KCNQ3: variants seen among roughly 807,000 people sequenced by gnomAD.
KCNQ3 encodes potassium voltage-gated channel subfamily Q member 3, also known as potassium voltage-gated channel subfamily KQT member 3.
A neutral mutation model predicts 92.5 loss-of-function variants in KCNQ3; 30 were observed. The observed-to-expected ratio is 0.32, with a 90% confidence interval of 0.24 to 0.44. The LOEUF (loss-of-function observed/expected upper bound fraction) is 0.44. Among genes scored for constraint, KCNQ3 ranks in the 20% least tolerant of loss-of-function variants. The pLI is 1.00. For synonymous variants in KCNQ3, 450 were observed against 468.8 expected (o/e 0.96, Z 0.52); for missense variants, 913 against 1,140.3 (o/e 0.80, Z 2.87).
chr8:132,279,711 T>C (rs1428657619), intron 1 of KCNQ3, among the ~76,000 whole-genome samples: 2 of 152,238 alleles, frequency 1.3e-5, no homozygotes, highest in Admixed American at 6.5e-5. Flanking sequence ...TGTCTACATA[T>C]ATGCACACAT....
chr8:132,345,105 C>A (rs1361879124), intron 1 of KCNQ3, among the ~76,000 whole-genome samples: 2 of 152,122 alleles, frequency 1.3e-5, no homozygotes, highest in Non-Finnish European at 2.9e-5. Context: ...TGAATCCTTG[C>A]TCCTCTGGGG....
chr8:132,236,882 A>G (rs1197672803), intron 1 of KCNQ3, among the ~76,000 whole-genome samples: 2 of 152,258 alleles, frequency 1.3e-5, no homozygotes, highest in African/African-American at 2.4e-5. Context: ...GTCAGGGCAC[A>G]TGGGTGGCCT....
intron 9 of KCNQ3, among the ~76,000 whole-genome samples, chr8:132,160,190 G>T (rs1223657026): frequency 1.3e-5 from 2 of 152,170 alleles, no homozygotes; most frequent in Admixed American, 6.5e-5. Flanking sequence ...CTGGCTGAGG[G>T]AAGACAAGAG....
intron 7 of KCNQ3, among the ~76,000 whole-genome samples, 154 bp downstream of exon 7, chr8:132,172,425 CACACACACACAGACACACA>C (rs1270827495): frequency 6.6e-6 from 1 of 151,830 alleles, no homozygotes; most frequent in Admixed American, 6.6e-5. Flanking sequence ...CACACACACA[CACACACACACAGACACACA>C]AGACACACAG....
intron 9 of KCNQ3, among the ~76,000 whole-genome samples, chr8:132,160,652 A>C (rs1353612332): frequency 6.7e-6 from 1 of 149,362 alleles, no homozygotes; most frequent in Non-Finnish European, 1.5e-5. Context: ...AAAGAACTCA[A>C]GCCCATAGTC....
intron 9 of KCNQ3, among the ~76,000 whole-genome samples, chr8:132,146,437 G>T (rs377178533): frequency 1.1e-4 from 16 of 152,322 alleles, no homozygotes; most frequent in African/African-American, 3.8e-4. Context: ...GTGTGGTCAA[G>T]CTCATACAAA....
intron 1 of KCNQ3, among the ~76,000 whole-genome samples, chr8:132,436,923 C>T (rs958811680): frequency 6.6e-6 from 1 of 152,098 alleles, no homozygotes; most frequent in Non-Finnish European, 1.5e-5. Context: ...GGCCTGCTGT[C>T]ATTTTCAGGA....
At chr8:132,134,807 A>G (rs1263420001) in intron 12 of KCNQ3, among the ~76,000 whole-genome samples, 1 of 151,688 alleles carries the variant, frequency 6.6e-6, no homozygotes, top group Admixed American at 6.6e-5. Flanking sequence ...CTTTTCTTCC[A>G]ATTCTTCTAT....
chr8:132,249,634 C>T (rs920864446), intron 1 of KCNQ3, among the ~76,000 whole-genome samples: 2 of 152,216 alleles, frequency 1.3e-5, no homozygotes, highest in South Asian at 2.1e-4. Context: ...CTGAGCTGCC[C>T]GCCAGTCCCA....
At chr8:132,454,376 T>A (rs1250191024) in intron 1 of KCNQ3, among the ~76,000 whole-genome samples, 1 of 152,194 alleles carries the variant, frequency 6.6e-6, no homozygotes, top group African/African-American at 2.4e-5. Flanking sequence ...GCCCGGAGTG[T>A]TATATTAATA....
Position 132,264,379 on chromosome 8 carries a change from C to T in KCNQ3, c.387-78198G>A, listed in dbSNP as rs987229964. Reference sequence around the variant, plus strand: ...AGCCCCCAGCTATCAGGAGGGGCCACGTATTGGGGTCATCTCCCCAAACCC... The same window carrying T: ...AGCCCCCAGCTATCAGGAGGGGCCATGTATTGGGGTCATCTCCCCAAACCC... On this transcript the variant is annotated intron_variant, in intron 1 of 14. Transcript: ENST00000388996. Among the ~76,000 whole-genome samples, 4 of 152,150 alleles carry T rather than the reference C, an allele frequency of 2.6e-5. No homozygotes were observed. In the South Asian group the frequency reaches 6.2e-4, roughly 24 times the overall value.
chr8:132,331,914 T>C (rs1239692422), intron 1 of KCNQ3, among the ~76,000 whole-genome samples: 1 of 152,130 alleles, frequency 6.6e-6, no homozygotes, highest in African/African-American at 2.4e-5. Context: ...GGCATGCCAG[T>C]CAGAAGTTCT....
At chr8:132,407,117 C>T (rs77616674) in intron 1 of KCNQ3, among the ~76,000 whole-genome samples, 1 of 152,080 alleles carries the variant, frequency 6.6e-6, no homozygotes, top group Non-Finnish European at 1.5e-5. Context: ...GCAGGTCCTG[C>T]CGAGGAAGAG....
At chr8:132,199,130 G>C (rs1019237576) in intron 1 of KCNQ3, among the ~76,000 whole-genome samples, 2 of 152,168 alleles carry the variant, frequency 1.3e-5, no homozygotes, top group African/African-American at 4.8e-5. Flanking sequence ...TAGAAATGAT[G>C]ATGGAAAGCT....
intron 1 of KCNQ3, among the ~76,000 whole-genome samples, chr8:132,308,036 T>C (rs1281455739): frequency 2.6e-5 from 4 of 152,180 alleles, no homozygotes; most frequent in Non-Finnish European, 5.9e-5. Flanking sequence ...TAAAGCTTCC[T>C]GGGGCTTCTC....
At position 132,480,977 on chromosome 8, in the gene KCNQ3, GCGC is replaced by G. The variant is rs566215826; in HGVS notation, c.-448_-446del. The G allele has an allele frequency of 2.7e-5, 4 of 147,660 alleles. No individual in the cohort carries two copies. Among genetic ancestry groups the G allele is most frequent in the East Asian group, 4.3e-4 (2 of 4,632 alleles). The allele number at this position is 147,660 out of a possible 1,614,324, so 9.1% of individuals were successfully genotyped here. A position where few individuals can be genotyped will look rare whatever the true frequency, so the allele number is the denominator to read the frequency against. On this transcript the variant is annotated 5_prime_UTR_variant, in exon 1 of 15. Transcript: ENST00000388996. ...CCGCCCTCCCGCCCGCCAGCCACAC[GCGC>G]CGCCGCCGCCGCCTCCTCCCTCCTC...
intron 8 of KCNQ3, among the ~76,000 whole-genome samples, chr8:132,166,840 A>G (rs956770700): frequency 5.3e-5 from 8 of 152,220 alleles, no homozygotes; most frequent in Admixed American, 5.2e-4. Flanking sequence ...AACCTTTGGC[A>G]GGAATCTAAA....
At chr8:132,308,452 A>G (rs1817497078) in intron 1 of KCNQ3, among the ~76,000 whole-genome samples, 1 of 152,182 alleles carries the variant, frequency 6.6e-6, no homozygotes, top group Non-Finnish European at 1.5e-5. Flanking sequence ...AGGGACCTGC[A>G]TCTGGAGGCA....
intron 14 of KCNQ3, 58 bp downstream of exon 14, chr8:132,132,122 G>T: frequency 9.1e-7 from 1 of 1,095,680 alleles, no homozygotes; most frequent in Non-Finnish European, 1.4e-6. Flanking sequence ...AAAAAGAAAT[G>T]GCATTTGAAA....
Sources: allele counts gnomAD v4.1 joint callset (sites outside exome capture counted in the v4.1 genomes callset), GRCh38; gene constraint gnomAD v4.1.1; transcripts MANE v1.5; gene names NCBI Gene and HGNC (gene_info 2026-07-23, HGNC 2026-07-21).